PHACTR4: variants seen among roughly 807,000 people sequenced by gnomAD.
The protein encoded by PHACTR4 is protein phosphatase 1, regulatory subunit 124.
PHACTR4 carries 51 observed loss-of-function variants against 72.7 expected under a neutral mutation model. That is an observed-to-expected ratio of 0.70 (90% confidence interval 0.56 to 0.89). The LOEUF is 0.89. Among genes scored for constraint, PHACTR4 ranks in the 40% least tolerant of loss-of-function variants. The pLI, the probability that PHACTR4 is intolerant of heterozygous loss-of-function variation, is 0.00. For synonymous variants in PHACTR4, 255 were observed against 302.5 expected (o/e 0.84, Z 1.63); for missense variants, 731 against 861.8 (o/e 0.85, Z 1.90).
At chr1:28,379,881 G>A (rs895680268) in intron 1 of PHACTR4, among the ~76,000 whole-genome samples, 1 of 151,432 alleles carries the variant, frequency 6.6e-6, no homozygotes, top group Admixed American at 6.6e-5. Flanking sequence ...GAGCCACCGC[G>A]CCCAGCCTAT....
At chr1:28,487,742 T>C (rs1660787274) in intron 9 of PHACTR4, among the ~76,000 whole-genome samples, 2 of 135,674 alleles carry the variant, frequency 1.5e-5, no homozygotes, top group South Asian at 4.9e-4. Context: ...TTTTTTTTTT[T>C]TTTTTTTTTT....
At position 28,487,717 on chromosome 1, in the gene PHACTR4, G is replaced by GTTT. The variant is rs1320016675; in HGVS notation, c.1761-1449_1761-1447dup. Among the ~76,000 whole-genome samples, 541 of 102,422 alleles carry GTTT rather than the reference G, an allele frequency of 5.3e-3. 24 individuals carry two copies. Among genetic ancestry groups the GTTT allele is most frequent in the African/African-American group, 0.021 (509 of 24,622 alleles). 67.2% of individuals were successfully genotyped at this position (102,422 alleles called of 152,430 possible). The stretch of plus-strand genomic sequence containing the variant: ...CTGATTTCAAAAATGACAAATTGTA[G>GTTT]TTTTTTGTTGTTTTTTTTTTTTTTT... On this transcript the variant is annotated intron_variant, in intron 9 of 13. Transcript: ENST00000373839.
intron 1 of PHACTR4, among the ~76,000 whole-genome samples, chr1:28,388,006 G>A (rs370558125): frequency 2.0e-5 from 3 of 152,226 alleles, no homozygotes; most frequent in African/African-American, 7.2e-5. Flanking sequence ...GGGATTACAG[G>A]TGTAAGCCAC....
At chr1:28,426,989 ATG>A (rs1655909118) in intron 2 of PHACTR4, among the ~76,000 whole-genome samples, 1 of 152,186 alleles carries the variant, frequency 6.6e-6, no homozygotes, top group Non-Finnish European at 1.5e-5. Flanking sequence ...AGCACCTAAA[ATG>A]TGGCTAGTAA....
At chr1:28,435,208 A>G (rs34644032) in intron 2 of PHACTR4, among the ~76,000 whole-genome samples, 12,132 of 152,190 alleles carry the variant, frequency 0.08, 924 homozygotes, top group East Asian at 0.41. Flanking sequence ...TACCAGGAAC[A>G]TTACAAAGCA....
Position 28,496,804 on chromosome 1 carries a change from T to C in PHACTR4, c.*255T>C. 1 of 557,654 alleles carries C rather than the reference T, an allele frequency of 1.8e-6. No individual in the cohort carries two copies. Among genetic ancestry groups the C allele is most frequent in the East Asian group, 3.1e-5 (1 of 32,298 alleles). The allele number at this position is 557,654 out of a possible 1,614,324, so 34.5% of individuals were successfully genotyped here. A position where few individuals can be genotyped will look rare whatever the true frequency, so the allele number is the denominator to read the frequency against. Reference sequence around the variant, plus strand: ...CATGCTTGAGGAGTTTTTCCCTTACTGGCCACCAAAGTTCTGAACCACTTG... The same window carrying C: ...CATGCTTGAGGAGTTTTTCCCTTACCGGCCACCAAAGTTCTGAACCACTTG... On this transcript the variant is annotated 3_prime_UTR_variant, in exon 14 of 14. Coordinates refer to ENST00000373839, the MANE Select transcript of PHACTR4 (RefSeq NM_001048183.3).
chr1:28,466,272 A>T (rs1659161306), intron 5 of PHACTR4, 110 bp from the exon 6 acceptor site: 21 of 1,237,306 alleles, frequency 1.7e-5, no homozygotes, highest in Non-Finnish European at 2.4e-5. Flanking sequence ...CTATAAGCTA[A>T]TCTATAAATT....
At chr1:28,492,838 A>T (rs1239288608) in intron 12 of PHACTR4, among the ~76,000 whole-genome samples, 177 bp from the exon 13 acceptor site, 4 of 152,166 alleles carry the variant, frequency 2.6e-5, no homozygotes, top group Non-Finnish European at 4.4e-5. Flanking sequence ...TGATTAAACT[A>T]AAAATTTTAG....
At chr1:28,428,389 C>T (rs1045038596) in intron 2 of PHACTR4, among the ~76,000 whole-genome samples, 4 of 152,206 alleles carry the variant, frequency 2.6e-5, no homozygotes, top group Admixed American at 1.3e-4. Context: ...ATAACTCCTT[C>T]CTCAGTTCCA....
At chr1:28,377,045 T>C (rs1651734745) in intron 1 of PHACTR4, among the ~76,000 whole-genome samples, 1 of 152,012 alleles carries the variant, frequency 6.6e-6, no homozygotes, top group Non-Finnish European at 1.5e-5. Context: ...TTCTCCAGCC[T>C]CAGCCTCCCA....
rs1652514171 is a variant in PHACTR4, at chr1:28,385,719, G to C, written c.-39+15894G>C. Among the ~76,000 whole-genome samples the C allele has an allele frequency of 2.0e-5, 3 of 150,054 alleles. No homozygotes were observed. In the South Asian group the frequency reaches 6.3e-4, roughly 32 times the overall value. On this transcript the variant is annotated intron_variant, in intron 1 of 13. Transcript: ENST00000373839. Reference sequence around the variant, plus strand: ...GCAACCTCCGCTTCTGGGTTCAAGCGATTCTCATGCCTTAGCCTCCCGAGT... The same window carrying C: ...GCAACCTCCGCTTCTGGGTTCAAGCCATTCTCATGCCTTAGCCTCCCGAGT...
chr1:28,453,034 G>A (rs1389025577), intron 2 of PHACTR4, among the ~76,000 whole-genome samples: 1 of 151,078 alleles, frequency 6.6e-6, no homozygotes, highest in Admixed American at 6.6e-5. Context: ...CAGGAGAATC[G>A]CTTGAACCCA....
chr1:28,411,817 A>T (rs950932476), intron 2 of PHACTR4, among the ~76,000 whole-genome samples: 2 of 152,068 alleles, frequency 1.3e-5, no homozygotes, highest in Non-Finnish European at 2.9e-5. Flanking sequence ...AAAATGACAT[A>T]AAAAAGGAAA....
intron 2 of PHACTR4, among the ~76,000 whole-genome samples, chr1:28,413,070 G>A (rs1031633594): frequency 1.3e-5 from 2 of 152,088 alleles, no homozygotes; most frequent in Non-Finnish European, 2.9e-5. Context: ...CAACACCCCC[G>A]TCTGTAGAAA....
At chr1:28,373,906 C>T (rs1477880591) in intron 1 of PHACTR4, among the ~76,000 whole-genome samples, 1 of 152,178 alleles carries the variant, frequency 6.6e-6, no homozygotes, top group Non-Finnish European at 1.5e-5. Flanking sequence ...AACCATACTT[C>T]AAATCTAGTC....
rs1198540947 is a variant in PHACTR4, at chr1:28,491,994, T to C, written c.2016+207T>C. Among the ~76,000 whole-genome samples the C allele has an allele frequency of 5.3e-5, 8 of 152,296 alleles. No homozygotes were observed. The Middle Eastern group carries it at 0.01, about 194-fold the overall frequency. On this transcript the variant is annotated intron_variant, in intron 12 of 13. Coordinates refer to ENST00000373839, the MANE Select transcript of PHACTR4 (RefSeq NM_001048183.3). ...TATGTTTTGGTAACTCCACCACCAA[T>C]ACTGAAAGAAAGAAAATCCCTGCTA...
At chr1:28,458,554 C>T (rs1411046746) in intron 2 of PHACTR4, among the ~76,000 whole-genome samples, 5 of 152,100 alleles carry the variant, frequency 3.3e-5, no homozygotes, top group African/African-American at 1.2e-4. Flanking sequence ...AATGCTTCTG[C>T]CCCGCAACCC....
chr1:28,491,938 T>C, intron 12 of PHACTR4, 151 bp downstream of exon 12: 1 of 1,041,120 alleles, frequency 9.6e-7, no homozygotes. Flanking sequence ...AAATGCCAAG[T>C]TGAACAAGTC....
At position 28,465,676 on chromosome 1, in the gene PHACTR4, A is replaced by T; in HGVS notation, c.272-9A>T. 1 of 1,609,440 alleles carries T rather than the reference A, an allele frequency of 6.2e-7. No individual in the cohort carries two copies. Among genetic ancestry groups the T allele is most frequent in the Non-Finnish European group, 8.5e-7 (1 of 1,178,664 alleles). ...CTTCATCACTTTGTACTCTTCTTTC[A>T]CCTTGCAGGTGGTGAGGATCCAGGA... On this transcript the variant is annotated splice_polypyrimidine_tract_variant and intron_variant, in intron 4 of 13. Coordinates refer to ENST00000373839, the MANE Select transcript of PHACTR4 (RefSeq NM_001048183.3).
Sources: allele counts gnomAD v4.1 joint callset (sites outside exome capture counted in the v4.1 genomes callset), GRCh38; gene constraint gnomAD v4.1.1; transcripts MANE v1.5; gene names NCBI Gene and HGNC (gene_info 2026-07-23, HGNC 2026-07-21).